The following NEK1 variants were observed in gnomAD, a reference collection of about 807,000 sequenced individuals.
The protein encoded by NEK1 is NIMA related kinase 1.
In NEK1, 137 loss-of-function variants were observed where a neutral mutation model predicts 182.1. That is an observed-to-expected ratio of 0.75 (90% CI 0.65 to 0.87). The LOEUF (loss-of-function observed/expected upper bound fraction) is 0.87, where lower values mean the gene tolerates loss of function less well. Ranked by LOEUF, NEK1 falls within the 40% of genes least tolerant of loss-of-function variation. The pLI is 0.00. For synonymous variants in NEK1, 513 were observed against 492.2 expected, an observed-to-expected ratio of 1.04 and a Z score of -0.56; for missense variants, 1,391 against 1,494.4, an observed-to-expected ratio of 0.93 and a Z score of 1.14.
chr4:169,509,388 T>G (rs1753829781), intron 19 of NEK1, among the ~76,000 whole-genome samples: 1 of 152,106 alleles, frequency 6.6e-6, no homozygotes, highest in African/African-American at 2.4e-5. Context: ...GACTCATTTT[T>G]GAACATAGTT....
chr4:169,399,713 T>C, intron 35 of NEK1, among the ~76,000 whole-genome samples: 1 of 152,222 alleles, frequency 6.6e-6, no homozygotes, highest in Non-Finnish European at 1.5e-5. Flanking sequence ...TTCAAACTCC[T>C]GGGCTCAAGC....
chr4:169,439,100 T>C (rs1449616924), intron 27 of NEK1, among the ~76,000 whole-genome samples: 1 of 152,226 alleles, frequency 6.6e-6, no homozygotes, highest in African/African-American at 2.4e-5. Context: ...AGAAATTCCA[T>C]AATATAGTCA....
chr4:169,430,588 G>C (rs1473902139), intron 29 of NEK1, among the ~76,000 whole-genome samples: 1 of 152,194 alleles, frequency 6.6e-6, no homozygotes, highest in Non-Finnish European at 1.5e-5. Flanking sequence ...GTGGCTGCCA[G>C]GGATTGTGGG....
intron 18 of NEK1, chr4:169,554,373 C>G (rs768385220): frequency 1.4e-5 from 2 of 142,106 alleles, no homozygotes; most frequent in Non-Finnish European, 3.0e-5. Context: ...GAGCCATGAT[C>G]ATGCCATTGC....
At chr4:169,493,289 T>A (rs1323865948) in intron 23 of NEK1, among the ~76,000 whole-genome samples, 3 of 151,560 alleles carry the variant, frequency 2.0e-5, no homozygotes, top group Non-Finnish European at 4.4e-5. Context: ...GGAAAAAAAA[T>A]AAGTCCCATC....
At chr4:169,556,241 A>G in intron 16 of NEK1, 146 bp from the exon 17 acceptor site, 1 of 690,894 alleles carries the variant, frequency 1.4e-6, no homozygotes. Context: ...ATAAAGCCTA[A>G]AGCAAAATGT....
At chr4:169,425,849 T>A (rs1363319751) in intron 30 of NEK1, among the ~76,000 whole-genome samples, 1 of 152,192 alleles carries the variant, frequency 6.6e-6, no homozygotes, top group Non-Finnish European at 1.5e-5. Flanking sequence ...AATACTATTT[T>A]AAAAAGAAAA....
chr4:169,599,216 A>T lies in NEK1; in HGVS notation c.215-19T>A. On this transcript the variant is annotated intron_variant, in intron 4 of 35. Coordinates refer to ENST00000507142, the MANE Select transcript of NEK1 (RefSeq NM_001199397.3). ...CCATTTTCTACAAAATATAAACATTACAGTCCACTTTTAAAAACGTACATC... is the reference window on the plus strand; with the variant it reads ...CCATTTTCTACAAAATATAAACATTTCAGTCCACTTTTAAAAACGTACATC... 1 of 1,542,104 alleles carries T rather than the reference A, an allele frequency of 6.5e-7. No homozygotes were observed. The highest frequency in any genetic ancestry group is 8.9e-7 in the Non-Finnish European group (1 of 1,122,402).
intron 19 of NEK1, among the ~76,000 whole-genome samples, chr4:169,533,006 T>C (rs967828131): frequency 1.3e-5 from 2 of 152,074 alleles, no homozygotes; most frequent in African/African-American, 4.8e-5. Flanking sequence ...CTTAGTCTAA[T>C]CTACTGTCTC....
intron 9 of NEK1, among the ~76,000 whole-genome samples, chr4:169,586,344 A>T (rs1449845744): frequency 2.6e-5 from 4 of 152,098 alleles, no homozygotes; most frequent in African/African-American, 9.6e-5. Flanking sequence ...GAGCTCTCCT[A>T]AATGTCATTT....
At chr4:169,399,383 C>T (rs1286043738) in intron 35 of NEK1, among the ~76,000 whole-genome samples, 1 of 152,062 alleles carries the variant, frequency 6.6e-6, no homozygotes, top group Non-Finnish European at 1.5e-5. Context: ...TCAAGACCAG[C>T]CTGGCCAACA....
At chr4:169,540,905 G>A (rs1759301351) in intron 18 of NEK1, among the ~76,000 whole-genome samples, 1 of 151,786 alleles carries the variant, frequency 6.6e-6, no homozygotes, top group Non-Finnish European at 1.5e-5. Flanking sequence ...AGAAGGGGAG[G>A]AAAAGGGAGT....
chr4:169,487,866 T>C (rs1382715113), intron 23 of NEK1, among the ~76,000 whole-genome samples: 1 of 152,204 alleles, frequency 6.6e-6, no homozygotes, highest in Admixed American at 6.5e-5. Flanking sequence ...CTGACTGATG[T>C]GATATGGTAT....
chr4:169,562,060 C>G, intron 13 of NEK1, 77 bp downstream of exon 13: 1 of 1,209,472 alleles, frequency 8.3e-7, no homozygotes, highest in Non-Finnish European at 1.2e-6. Flanking sequence ...GGTTTGGAGG[C>G]TTTATAGTAA....
At chr4:169,484,984 T>G (rs566180756) in intron 23 of NEK1, among the ~76,000 whole-genome samples, 2 of 152,338 alleles carry the variant, frequency 1.3e-5, no homozygotes, top group East Asian at 3.9e-4. Context: ...AAGTCTGGTT[T>G]TAGTTCCTGA....
intron 23 of NEK1, among the ~76,000 whole-genome samples, chr4:169,481,485 T>C (rs970722652): frequency 6.6e-6 from 1 of 152,232 alleles, no homozygotes; most frequent in African/African-American, 2.4e-5. Context: ...GCAGAATGGA[T>C]GTCGTGTTAG....
In NEK1 at chr4:169,555,914, T is replaced by G; in HGVS notation, c.1430+18A>C. 6.2e-7 allele frequency: 1 copy of G among 1,613,382 alleles called. No individual in the cohort carries two copies. The highest frequency in any genetic ancestry group is 8.5e-7 in the Non-Finnish European group (1 of 1,179,496). ...TCAGAAGCAAAGCATAAGCAACTTC[T>G]GCAGAACATAGCCATACCTTTCTGG... On this transcript the variant is annotated intron_variant, in intron 17 of 35. Transcript: ENST00000507142.
chr4:169,487,687 G>C (rs980157757), intron 23 of NEK1, among the ~76,000 whole-genome samples: 9 of 152,190 alleles, frequency 5.9e-5, no homozygotes, highest in Admixed American at 3.3e-4. Flanking sequence ...CCAGTAATGG[G>C]ATTGCTGGGT....
intron 19 of NEK1, 136 bp from the exon 20 acceptor site, chr4:169,508,988 C>A (rs1042382021): frequency 3.2e-6 from 2 of 624,574 alleles, no homozygotes; most frequent in African/African-American, 1.9e-5. Flanking sequence ...TGATAACAAA[C>A]CCTGGCGTTT....
Sources: allele counts gnomAD v4.1 joint callset (sites outside exome capture counted in the v4.1 genomes callset), GRCh38; gene constraint gnomAD v4.1.1; transcripts MANE v1.5; gene names NCBI Gene and HGNC (gene_info 2026-07-23, HGNC 2026-07-21).